RXFP1: variants seen among roughly 807,000 people sequenced by gnomAD.
RXFP1 encodes relaxin family peptide receptor 1, also known as relaxin receptor 1.
RXFP1 carries 73 observed loss-of-function variants against 89.8 expected under a neutral mutation model. The observed-to-expected ratio is 0.81, with a 90% CI of 0.67 to 0.99. The LOEUF is 0.99. RXFP1 is among the 50% of genes least tolerant of loss of function. The pLI is 0.00. For synonymous variants in RXFP1, 277 were observed against 305.5 expected, an observed-to-expected ratio of 0.91 and a Z score of 0.97; for missense variants, 793 against 895.5, an observed-to-expected ratio of 0.89 and a Z score of 1.46.
intron 2 of RXFP1, among the ~76,000 whole-genome samples, chr4:158,580,620 G>A (rs1036649336): frequency 3.9e-5 from 6 of 152,070 alleles, no homozygotes; most frequent in African/African-American, 7.2e-5. Flanking sequence ...ATTTTCCCAC[G>A]TAAAGTTTTC....
At chr4:158,645,944 T>C (rs896529894) in intron 15 of RXFP1, among the ~76,000 whole-genome samples, 1 of 152,214 alleles carries the variant, frequency 6.6e-6, no homozygotes, top group East Asian at 1.9e-4. Flanking sequence ...ACAAAATTTT[T>C]AGTAAGTTCA....
Position 158,528,853 on chromosome 4 carries a change from T to C in RXFP1, c.49+6828T>C, listed in dbSNP as rs145320425. Among the ~76,000 whole-genome samples the C allele has an allele frequency of 4.8e-3, 736 of 152,344 alleles. 8 individuals carry two copies. The highest frequency in any genetic ancestry group is 0.02 in the Middle Eastern group (6 of 294). ...TTTTTTCTGGGTGCCCCAGATAATG[T>C]AGGCACCAAATACCTGTGTGCTTCA... On this transcript the variant is annotated intron_variant, in intron 1 of 17. Transcript: ENST00000307765.
At chr4:158,527,219 A>G (rs1444701184) in intron 1 of RXFP1, among the ~76,000 whole-genome samples, 1 of 152,150 alleles carries the variant, frequency 6.6e-6, no homozygotes, top group African/African-American at 2.4e-5. Flanking sequence ...CTAAGAGGCC[A>G]TATAATTATA....
chr4:158,646,851 G>T lies in RXFP1; in HGVS notation c.1406G>T (p.Arg469Leu). ...ATCGGAGGCTTTGACCTAAAGTTTC[G>T]TGGAGAATACAATAAGCATGCGCAG... ...FVIGGFDLKF[R>L]GEYNKHAQLW... The change falls in exon 16 of 18, where the codon CGT (arginine) becomes CTT (leucine). Residue 469 changes from arginine to leucine, a missense_variant. Coordinates refer to ENST00000307765, the MANE Select transcript of RXFP1 (RefSeq NM_021634.4). 13 of 1,614,062 alleles carry T rather than the reference G, an allele frequency of 8.1e-6. No homozygotes were observed. The highest frequency in any genetic ancestry group is 1.1e-5 in the Non-Finnish European group (13 of 1,179,968).
At chr4:158,546,529 A>G (rs1480669115) in intron 1 of RXFP1, among the ~76,000 whole-genome samples, 2 of 152,170 alleles carry the variant, frequency 1.3e-5, no homozygotes, top group Non-Finnish European at 2.9e-5. Context: ...GTCTTGTGCC[A>G]GTTTTCAAAG....
At chr4:158,629,791 AT>A (rs891584521) in intron 11 of RXFP1, among the ~76,000 whole-genome samples, 12 of 150,752 alleles carry the variant, frequency 8.0e-5, no homozygotes, top group African/African-American at 2.9e-4. Flanking sequence ...TGCCCAGCCA[AT>A]TTTTTTTTAT....
intron 17 of RXFP1, among the ~76,000 whole-genome samples, chr4:158,650,491 G>C (rs1333402431): frequency 6.6e-6 from 1 of 150,790 alleles, no homozygotes; most frequent in East Asian, 1.9e-4. Flanking sequence ...TCATGTAGCA[G>C]GGCGCAGTGG....
At chr4:158,551,587 C>G (rs1483861801) in intron 1 of RXFP1, among the ~76,000 whole-genome samples, 1 of 151,984 alleles carries the variant, frequency 6.6e-6, no homozygotes, top group East Asian at 1.9e-4. Flanking sequence ...ATACATATAT[C>G]AAAAAACCAC....
intron 3 of RXFP1, among the ~76,000 whole-genome samples, chr4:158,598,464 G>C (rs188925882): frequency 6.6e-6 from 1 of 152,152 alleles, no homozygotes; most frequent in Non-Finnish European, 1.5e-5. Flanking sequence ...AGTCAATATG[G>C]GGAGAAAACG....
chr4:158,611,389 G>A (rs1276217104), intron 6 of RXFP1, among the ~76,000 whole-genome samples: 1 of 152,170 alleles, frequency 6.6e-6, no homozygotes, highest in Admixed American at 6.5e-5. Flanking sequence ...GTAAAGATGG[G>A]TAAGGCAGAG....
chr4:158,549,072 T>A, intron 1 of RXFP1, among the ~76,000 whole-genome samples: 1 of 151,872 alleles, frequency 6.6e-6, no homozygotes, highest in Non-Finnish European at 1.5e-5. Context: ...ATTCTCCCCA[T>A]CACTTTCAGG....
At chr4:158,543,915 T>C in intron 1 of RXFP1, 1 of 985,404 alleles carries the variant, frequency 1.0e-6, no homozygotes, top group Middle Eastern at 5.2e-4. Flanking sequence ...AAAACTCTAC[T>C]GAATATCGAT....
intron 1 of RXFP1, among the ~76,000 whole-genome samples, chr4:158,539,492 T>G (rs1322434053): frequency 7.2e-6 from 1 of 139,604 alleles, no homozygotes; most frequent in Admixed American, 6.9e-5. Context: ...ATAATAAAAT[T>G]TAAAAAAAAA....
chr4:158,561,151 T>A (rs1351252400), intron 1 of RXFP1, among the ~76,000 whole-genome samples: 1 of 152,202 alleles, frequency 6.6e-6, no homozygotes, highest in Non-Finnish European at 1.5e-5. Flanking sequence ...AATGTTTAAC[T>A]CAAGTTGAAA....
At chr4:158,628,576 T>C (rs1211352002) in intron 10 of RXFP1, 62 bp from the exon 11 acceptor site, 3 of 754,802 alleles carry the variant, frequency 4.0e-6, no homozygotes, top group Non-Finnish European at 6.8e-6. Context: ...ACCGTTCCTC[T>C]CTTTAGTAAT....
intron 2 of RXFP1, among the ~76,000 whole-genome samples, chr4:158,584,675 C>A (rs1321959785): frequency 6.6e-6 from 1 of 152,104 alleles, no homozygotes; most frequent in African/African-American, 2.4e-5. Flanking sequence ...TGCAAATCGA[C>A]AGGAATGTTT....
intron 14 of RXFP1, among the ~76,000 whole-genome samples, chr4:158,644,327 T>C (rs936261074): frequency 2.0e-5 from 3 of 152,210 alleles, no homozygotes; most frequent in African/African-American, 4.8e-5. Flanking sequence ...ATTACAGGTG[T>C]GAGCCACCGC....
chr4:158,527,576 T>TATATATAG (rs1177712878), intron 1 of RXFP1, among the ~76,000 whole-genome samples: 1 of 144,862 alleles, frequency 6.9e-6, no homozygotes, highest in East Asian at 2.0e-4. Context: ...TATATATATA[T>TATATATAG]ATGTATATAT....
intron 1 of RXFP1, among the ~76,000 whole-genome samples, chr4:158,542,069 G>T (rs1190567741): frequency 1.1e-4 from 8 of 72,572 alleles, no homozygotes; most frequent in Non-Finnish European, 1.9e-4. Flanking sequence ...ACAGGCAGGC[G>T]CCACCATGGC....
Sources: gnomAD v4.1 joint callset for allele counts (sites outside exome capture counted in the v4.1 genomes callset) on GRCh38, gnomAD v4.1.1 for gene constraint, MANE v1.5 for transcripts, NCBI Gene and HGNC (gene_info 2026-07-23, HGNC 2026-07-21) for gene names.